Variants in STX18 observed in about 807,000 individuals in gnomAD.
The protein encoded by STX18 is syntaxin-18.
A neutral mutation model predicts 50.1 loss-of-function variants in STX18; 40 were observed. That is an observed-to-expected ratio of 0.80 (90% CI 0.62 to 1.04). The LOEUF is 1.04. STX18 is among the 50% of genes least tolerant of loss of function. The pLI is 0.00. For synonymous variants in STX18, 158 were observed against 151.8 expected, an observed-to-expected ratio of 1.04 and a Z score of -0.30; for missense variants, 410 against 415.8, an observed-to-expected ratio of 0.99 and a Z score of 0.12.
At chr4:4,421,090 A>G (rs921217071) in intron 9 of STX18, 146 bp from the exon 10 acceptor site, 2 of 738,558 alleles carry the variant, frequency 2.7e-6, no homozygotes, top group African/African-American at 3.5e-5. Context: ...CACATTTTGA[A>G]GTTTAGGGAT....
chr4:4,428,389 T>G (rs1290806503), intron 7 of STX18, among the ~76,000 whole-genome samples: 1 of 152,196 alleles, frequency 6.6e-6, no homozygotes, highest in Non-Finnish European at 1.5e-5. Context: ...GTTTTGGAGG[T>G]CACAATCTCT....
chr4:4,530,933 C>T (rs1731062905), intron 1 of STX18, among the ~76,000 whole-genome samples: 1 of 152,104 alleles, frequency 6.6e-6, no homozygotes, highest in Non-Finnish European at 1.5e-5. Flanking sequence ...GAAAGACTTC[C>T]CACTTCTACA....
At chr4:4,534,883 C>A (rs10222946) in intron 1 of STX18, among the ~76,000 whole-genome samples, 9,176 of 152,334 alleles carry the variant, frequency 0.06, 931 homozygotes, top group African/African-American at 0.21. Flanking sequence ...TTTATTTACA[C>A]AACTAGGCAG....
chr4:4,490,994 T>C (rs933491942), intron 1 of STX18, among the ~76,000 whole-genome samples: 3 of 152,160 alleles, frequency 2.0e-5, no homozygotes, highest in Non-Finnish European at 2.9e-5. Flanking sequence ...AATGTTTTGC[T>C]TGAAAGATAA....
Position 4,499,434 on chromosome 4 carries a change from T to C in STX18, c.169-27728A>G, listed in dbSNP as rs966248412. The C allele has an allele frequency of 3.3e-6, 3 of 905,160 alleles. No individual in the cohort carries two copies. In the African/African-American group the frequency reaches 5.4e-5, roughly 16 times the overall value. The allele number at this position is 905,160 out of a possible 1,614,324, so 56.1% of individuals were successfully genotyped here. On this transcript the variant is annotated intron_variant, in intron 1 of 10. Transcript: ENST00000306200. ...AAGATTCTGAAAGCAAAGAAAACCATACTGTGCTCTGGAAAAACTTACCTT... is the reference window on the plus strand; with the variant it reads ...AAGATTCTGAAAGCAAAGAAAACCACACTGTGCTCTGGAAAAACTTACCTT...
rs1005272354 is a variant in STX18, at chr4:4,481,300, T to C, written c.169-9594A>G. ...CCTTCCCAGGATGATAGAAATTCTG[T>C]TCTGCTGGCACTCACAACACTTCCA... On this transcript the variant is annotated intron_variant, in intron 1 of 10. Transcript: ENST00000306200. Among the ~76,000 whole-genome samples the C allele has an allele frequency of 2.6e-5, 4 of 152,290 alleles. 1 individual carries two copies. Among genetic ancestry groups the C allele is most frequent in the South Asian group, 4.1e-4 (2 of 4,820 alleles).
chr4:4,458,892 C>T (rs1698141013), intron 3 of STX18, among the ~76,000 whole-genome samples: 1 of 152,166 alleles, frequency 6.6e-6, no homozygotes, highest in Non-Finnish European at 1.5e-5. Flanking sequence ...TCCTCCTAAC[C>T]TTGAAGGTTT....
At chr4:4,462,436 C>A (rs1727428687) in intron 2 of STX18, among the ~76,000 whole-genome samples, 1 of 152,216 alleles carries the variant, frequency 6.6e-6, no homozygotes, top group Non-Finnish European at 1.5e-5. Context: ...AGGATTGGGA[C>A]TGGAACTTAG....
intron 1 of STX18, among the ~76,000 whole-genome samples, chr4:4,500,905 C>T (rs1180945342): frequency 1.1e-4 from 16 of 152,126 alleles, no homozygotes; most frequent in South Asian, 2.1e-4. Context: ...GGCGTGGTGG[C>T]GGGCGCCTAT....
intron 1 of STX18, among the ~76,000 whole-genome samples, chr4:4,522,535 T>A (rs1029996326): frequency 1.3e-5 from 2 of 152,196 alleles, no homozygotes; most frequent in African/African-American, 4.8e-5. Context: ...TTCCTTTAGA[T>A]GCATGAGAAA....
chr4:4,496,246 A>C (rs1729160061), intron 1 of STX18, among the ~76,000 whole-genome samples: 2 of 152,172 alleles, frequency 1.3e-5, no homozygotes, highest in Admixed American at 1.3e-4. Context: ...GGTAACAGAG[A>C]GGCCTAGGCA....
Position 4,420,016 on chromosome 4 carries a change from G to A in STX18, c.*18C>T. 1 of 1,600,320 alleles carries A rather than the reference G, an allele frequency of 6.2e-7. No homozygotes were observed. Among genetic ancestry groups the A allele is most frequent in the Non-Finnish European group, 8.5e-7 (1 of 1,172,868 alleles). On this transcript the variant is annotated 3_prime_UTR_variant, in exon 11 of 11. Coordinates refer to ENST00000306200, the MANE Select transcript of STX18 (RefSeq NM_016930.4). The surrounding 1 kb of genome is among the most constrained non-coding windows in gnomAD (Gnocchi z 4.3). ...GAGTGCCCATGAGGACTCTCGTGCT[G>A]GGCCCCCGTGGCCCTGGCTAGCTGT...
chr4:4,501,768 T>C (rs1729473222), intron 1 of STX18, among the ~76,000 whole-genome samples: 1 of 152,224 alleles, frequency 6.6e-6, no homozygotes, highest in South Asian at 2.1e-4. Context: ...ACGAATGCCA[T>C]ACTGTTTTAT....
At chr4:4,484,934 G>A (rs1728635102) in intron 1 of STX18, among the ~76,000 whole-genome samples, 1 of 152,232 alleles carries the variant, frequency 6.6e-6, no homozygotes, top group Non-Finnish European at 1.5e-5. Flanking sequence ...GAGGAAGGGA[G>A]GAGGGAGAAC....
At chr4:4,452,250 C>A (rs1726792647) in intron 5 of STX18, among the ~76,000 whole-genome samples, 1 of 152,174 alleles carries the variant, frequency 6.6e-6, no homozygotes, top group East Asian at 1.9e-4. Context: ...GAAGTCGATT[C>A]CATAATGTAA....
intron 7 of STX18, among the ~76,000 whole-genome samples, chr4:4,429,698 T>C (rs2108777964): frequency 6.6e-6 from 1 of 152,332 alleles, no homozygotes; most frequent in South Asian, 2.1e-4. Flanking sequence ...ATCCTTCTGG[T>C]GGAAGCCAGC....
chr4:4,422,054 C>T (rs915583243), intron 9 of STX18, among the ~76,000 whole-genome samples: 8 of 152,150 alleles, frequency 5.3e-5, no homozygotes, highest in African/African-American at 1.7e-4. Context: ...TTTAGAGAAA[C>T]CTGACTGACA....
intron 1 of STX18, among the ~76,000 whole-genome samples, chr4:4,523,501 C>G (rs957517066): frequency 6.6e-6 from 1 of 152,188 alleles, no homozygotes; most frequent in Admixed American, 6.5e-5. Flanking sequence ...GCAGGCACCT[C>G]AAGTAACTAC....
At chr4:4,478,415 T>G (rs929579051) in intron 1 of STX18, among the ~76,000 whole-genome samples, 1 of 152,114 alleles carries the variant, frequency 6.6e-6, no homozygotes, top group African/African-American at 2.4e-5. Flanking sequence ...CGGTGACCAG[T>G]GCATTTTGAG....
Sources: gnomAD v4.1 joint callset for allele counts (sites outside exome capture counted in the v4.1 genomes callset) on GRCh38, gnomAD v4.1.1 for gene constraint, Gnocchi (gnomAD v3.1) non-coding constraint, MANE v1.5 for transcripts, NCBI Gene and HGNC (gene_info 2026-07-23, HGNC 2026-07-21) for gene names.